Variants in SPECC1 observed in about 807,000 individuals in gnomAD.
SPECC1 encodes the protein sperm antigen with calponin homology and coiled-coil domains 1.
Under a neutral mutation model 104.1 loss-of-function variants are expected in SPECC1, and 62 were observed. The ratio of observed to expected loss-of-function variants is 0.60; its 90% CI spans 0.49 to 0.74. The LOEUF (loss-of-function observed/expected upper bound fraction) is 0.74. SPECC1 is among the 30% of genes least tolerant of loss of function. SPECC1 has a pLI of 0.00. For missense variants in SPECC1, 1,306 were observed against 1,310.5 expected (o/e 1.00, Z 0.05); for synonymous variants, 513 against 501.6 (o/e 1.02, Z -0.30).
chr17:20,234,420 GT>G (rs1567969716), intron 7 of SPECC1, among the ~76,000 whole-genome samples: 2 of 152,182 alleles, frequency 1.3e-5, no homozygotes, highest in Non-Finnish European at 2.9e-5. Flanking sequence ...GCTGCCCCTT[GT>G]AAAGAGTTGA....
At chr17:20,188,471 T>A (rs2151270399) in intron 3 of SPECC1, among the ~76,000 whole-genome samples, 1 of 152,260 alleles carries the variant, frequency 6.6e-6, no homozygotes, top group East Asian at 1.9e-4. Flanking sequence ...TTGGCTAGGC[T>A]GATCTCGAAT....
At chr17:20,101,138 G>T (rs1281803021) in intron 2 of SPECC1, among the ~76,000 whole-genome samples, 1 of 152,162 alleles carries the variant, frequency 6.6e-6, no homozygotes, top group Non-Finnish European at 1.5e-5. Context: ...ATGTGCATGT[G>T]TCTTTTTAGT....
At chr17:20,204,191 C>A in intron 3 of SPECC1, 142 bp from the exon 4 acceptor site, 1 of 1,058,128 alleles carries the variant, frequency 9.5e-7, no homozygotes, top group Non-Finnish European at 1.3e-6. Context: ...ACAGTCAGAA[C>A]TGGGTAATTA....
intron 1 of SPECC1, among the ~76,000 whole-genome samples, chr17:20,071,678 T>A (rs972909738): frequency 6.6e-6 from 1 of 152,170 alleles, no homozygotes; most frequent in Non-Finnish European, 1.5e-5. Context: ...TCTTACCAGG[T>A]TTATTTATAG....
At chr17:20,310,733 G>C (rs1264936404) in intron 14 of SPECC1, among the ~76,000 whole-genome samples, 2 of 152,232 alleles carry the variant, frequency 1.3e-5, no homozygotes, top group African/African-American at 4.8e-5. Flanking sequence ...GTGCTGGCAT[G>C]CCCCCGTGGA....
At chr17:20,295,793 T>C (rs2041331165) in intron 12 of SPECC1, among the ~76,000 whole-genome samples, 1 of 152,276 alleles carries the variant, frequency 6.6e-6, no homozygotes, top group African/African-American at 2.4e-5. Context: ...TTGTTTCATG[T>C]GTCTGTTGGC....
chr17:20,303,200 C>T (rs571856382), intron 13 of SPECC1, among the ~76,000 whole-genome samples: 1 of 152,066 alleles, frequency 6.6e-6, no homozygotes, highest in Non-Finnish European at 1.5e-5. Flanking sequence ...TGGCTAAAAA[C>T]CAAAAGGACT....
intron 3 of SPECC1, among the ~76,000 whole-genome samples, chr17:20,175,636 A>T (rs377536150): frequency 6.6e-6 from 1 of 152,222 alleles, no homozygotes; most frequent in Non-Finnish European, 1.5e-5. Flanking sequence ...TTTAACAAAG[A>T]TGTTTTTCTT....
chr17:20,019,505 T>C (rs2044287194), intron 1 of SPECC1, among the ~76,000 whole-genome samples: 2 of 151,760 alleles, frequency 1.3e-5, no homozygotes, highest in Non-Finnish European at 1.5e-5. Context: ...CTTGAGAGGG[T>C]GTCAGTGAGA....
intron 3 of SPECC1, among the ~76,000 whole-genome samples, chr17:20,151,309 C>T (rs989258283): frequency 5.3e-5 from 8 of 152,158 alleles, no homozygotes; most frequent in African/African-American, 1.7e-4. Flanking sequence ...GGTTGTGAGC[C>T]GCAGCTCCTA....
At chr17:20,275,956 A>G (rs778564322) in intron 12 of SPECC1, among the ~76,000 whole-genome samples, 5 of 150,982 alleles carry the variant, frequency 3.3e-5, no homozygotes, top group Non-Finnish European at 7.4e-5. Flanking sequence ...TTCTTGTTCT[A>G]TCTTCTTGGT....
At chr17:20,146,320 T>G (rs1253224963) in intron 3 of SPECC1, among the ~76,000 whole-genome samples, 1 of 152,212 alleles carries the variant, frequency 6.6e-6, no homozygotes, top group Non-Finnish European at 1.5e-5. Flanking sequence ...GAAGTGGCCT[T>G]TTCAGACCGG....
intron 3 of SPECC1, among the ~76,000 whole-genome samples, chr17:20,139,335 G>A (rs1008105269): frequency 8.5e-5 from 13 of 152,052 alleles, no homozygotes; most frequent in Non-Finnish European, 1.9e-4. Context: ...AAATGTCTGG[G>A]GAATATTCTG....
intron 7 of SPECC1, among the ~76,000 whole-genome samples, chr17:20,235,613 A>G (rs564253221): frequency 2.0e-5 from 3 of 152,342 alleles, no homozygotes; most frequent in Non-Finnish European, 4.4e-5. Context: ...CTCAAGCAGC[A>G]TCAGGGAAAG....
chr17:20,227,914 T>C (rs1406556626), intron 5 of SPECC1, among the ~76,000 whole-genome samples: 3 of 151,476 alleles, frequency 2.0e-5, no homozygotes, highest in Non-Finnish European at 4.4e-5. Context: ...CCAGGAGAAA[T>C]GTGGAATGGA....
chr17:20,121,383 T>G (rs554619013), intron 3 of SPECC1, among the ~76,000 whole-genome samples: 76 of 152,286 alleles, frequency 5.0e-4, no homozygotes, highest in African/African-American at 1.6e-3. Context: ...TGTTGTTGTT[T>G]TTTCTATAGA....
intron 1 of SPECC1, among the ~76,000 whole-genome samples, chr17:20,021,672 TATAATATAATA>T (rs1260312175): frequency 7.0e-6 from 1 of 143,016 alleles, no homozygotes; most frequent in East Asian, 2.0e-4. Context: ...TATATATATA[TATAATATAATA>T]ATATATATAT....
intron 12 of SPECC1, among the ~76,000 whole-genome samples, chr17:20,267,615 TC>T (rs1350582349): frequency 1.3e-5 from 2 of 152,026 alleles, no homozygotes; most frequent in Non-Finnish European, 2.9e-5. Flanking sequence ...CTCTGATTGT[TC>T]TTGGTGGTTT....
intron 3 of SPECC1, among the ~76,000 whole-genome samples, chr17:20,163,564 C>CTTTTTTTT (rs779886420): frequency 7.0e-6 from 1 of 143,306 alleles, no homozygotes; most frequent in African/African-American, 2.6e-5. Flanking sequence ...CTCTCTCTCT[C>CTTTTTTTT]TTTTTTTTTT....
Sources: allele counts gnomAD v4.1 joint callset (sites outside exome capture counted in the v4.1 genomes callset), GRCh38; gene constraint gnomAD v4.1.1; transcripts MANE v1.5; gene names NCBI Gene and HGNC (gene_info 2026-07-23, HGNC 2026-07-21).